The following NXPE2 variants were observed in gnomAD, a reference collection of about 807,000 sequenced individuals.
NXPE2 encodes the protein NXPE family member 2.
Under a neutral mutation model 34.4 loss-of-function variants are expected in NXPE2, and 34 were observed. The observed-to-expected ratio is 0.99, with a 90% CI of 0.75 to 1.31. The LOEUF is 1.31. NXPE2 is among the 40% of genes most tolerant of loss of function. The pLI is 0.00. For missense variants in NXPE2, 649 were observed against 672.5 expected (o/e 0.97, Z 0.39); for synonymous variants, 235 against 231.3 (o/e 1.02, Z -0.15).
chr11:114,615,367 G>A, the NXPE2 span, among the ~76,000 whole-genome samples: 3 of 151,926 alleles, frequency 2.0e-5, no homozygotes, highest in Non-Finnish European at 2.9e-5. Flanking sequence ...GATAACCACT[G>A]TTACCCGGTG....
the NXPE2 span, among the ~76,000 whole-genome samples, chr11:114,775,995 T>G: frequency 3.9e-5 from 6 of 152,096 alleles, no homozygotes; most frequent in Non-Finnish European, 8.8e-5. Flanking sequence ...GATGGCACAG[T>G]GCCACTCACA....
chr11:114,699,993 C>T (rs1951335563), intron 3 of NXPE2, among the ~76,000 whole-genome samples: 1 of 152,064 alleles, frequency 6.6e-6, no homozygotes, highest in Non-Finnish European at 1.5e-5. Context: ...AGGGTTTTAC[C>T]ATGTGGGCCA....
chr11:114,640,063 TA>T, the NXPE2 span, among the ~76,000 whole-genome samples: 1 of 115,894 alleles, frequency 8.6e-6, no homozygotes. Flanking sequence ...ATAATTTATT[TA>T]AAATATAATA....
At chr11:114,536,580 T>TA in the NXPE2 span, among the ~76,000 whole-genome samples, 1 of 151,918 alleles carries the variant, frequency 6.6e-6, no homozygotes, top group Non-Finnish European at 1.5e-5. Context: ...ATAGACGCCA[T>TA]AAAAAATGAC....
the NXPE2 span, among the ~76,000 whole-genome samples, chr11:114,602,125 T>G: frequency 9.8e-6 from 1 of 102,026 alleles, no homozygotes. Context: ...ATTATATATA[T>G]TATACATAAC....
At chr11:114,582,366 CAG>C in the NXPE2 span, 3 of 1,614,078 alleles carry the variant, frequency 1.9e-6, no homozygotes, top group Non-Finnish European at 2.5e-6. Flanking sequence ...GAGTGCAGCA[CAG>C]GGCATGTGTT....
the NXPE2 span, among the ~76,000 whole-genome samples, chr11:114,587,431 A>G: frequency 2.0e-5 from 3 of 152,250 alleles, no homozygotes; most frequent in Non-Finnish European, 4.4e-5. Flanking sequence ...ATTAAAGGGC[A>G]TTACCCAAAT....
At chr11:114,790,040 C>T in the NXPE2 span, among the ~76,000 whole-genome samples, 1 of 152,244 alleles carries the variant, frequency 6.6e-6, no homozygotes, top group Non-Finnish European at 1.5e-5. Flanking sequence ...AGCTCCTCAA[C>T]TTCCCCACCA....
the NXPE2 span, among the ~76,000 whole-genome samples, chr11:114,810,341 G>C: frequency 6.9e-6 from 1 of 145,910 alleles, no homozygotes; most frequent in Non-Finnish European, 1.5e-5. Context: ...ATTGACAAAT[G>C]AGATCTAATT....
the NXPE2 span, among the ~76,000 whole-genome samples, chr11:114,537,238 T>G: frequency 1.3e-5 from 2 of 152,206 alleles, no homozygotes; most frequent in Non-Finnish European, 2.9e-5. Flanking sequence ...CAACCCTTCA[T>G]GCTAAAAACT....
At chr11:114,628,727 C>T in the NXPE2 span, among the ~76,000 whole-genome samples, 1 of 151,192 alleles carries the variant, frequency 6.6e-6, no homozygotes, top group Non-Finnish European at 1.5e-5. Context: ...ATTAACGAAT[C>T]CAGGAGCTGG....
chr11:114,576,301 T>C, the NXPE2 span, among the ~76,000 whole-genome samples: 2 of 152,004 alleles, frequency 1.3e-5, no homozygotes, highest in Non-Finnish European at 2.9e-5. Context: ...GCAAAAACTT[T>C]ATGACCAAGG....
chr11:114,684,863 T>C (rs1231775725), intron 2 of NXPE2, among the ~76,000 whole-genome samples: 1 of 152,206 alleles, frequency 6.6e-6, no homozygotes, highest in Non-Finnish European at 1.5e-5. Flanking sequence ...GTGATTACTC[T>C]TACAGTTCTC....
the NXPE2 span, among the ~76,000 whole-genome samples, chr11:114,781,974 C>T: frequency 8.5e-5 from 13 of 152,156 alleles, no homozygotes; most frequent in Admixed American, 6.5e-4. Context: ...TATGTGCAGT[C>T]GTCCCTCGGT....
At chr11:114,685,222 A>G (rs1348649017) in intron 2 of NXPE2, among the ~76,000 whole-genome samples, 1 of 152,168 alleles carries the variant, frequency 6.6e-6, no homozygotes, top group Non-Finnish European at 1.5e-5. Context: ...AGTCCATTCA[A>G]GCTGTTCTAA....
At chr11:114,722,875 C>T in the NXPE2 span, among the ~76,000 whole-genome samples, 1 of 152,146 alleles carries the variant, frequency 6.6e-6, no homozygotes, top group Non-Finnish European at 1.5e-5. Flanking sequence ...TGAAGTGCCA[C>T]TTCTTATAAA....
chr11:114,543,064 G>A, the NXPE2 span, among the ~76,000 whole-genome samples: 834 of 152,240 alleles, frequency 5.5e-3, 11 homozygotes, highest in African/African-American at 0.018. Context: ...AGACCAGCCT[G>A]GGCAAATATG....
At chr11:114,521,813 A>G in the NXPE2 span, 1 of 590,472 alleles carries the variant, frequency 1.7e-6, no homozygotes, top group Non-Finnish European at 2.9e-6. Context: ...TGCATCCCTT[A>G]TCAGTTGTCA....
the NXPE2 span, among the ~76,000 whole-genome samples, chr11:114,574,330 A>T: frequency 6.6e-6 from 1 of 151,912 alleles, no homozygotes; most frequent in Non-Finnish European, 1.5e-5. Context: ...CCAAACCCAA[A>T]CCTGGCAGAA....
Sources: gnomAD v4.1 joint callset for allele counts (sites outside exome capture counted in the v4.1 genomes callset) on GRCh38, gnomAD v4.1.1 for gene constraint, MANE v1.5 for transcripts, NCBI Gene and HGNC (gene_info 2026-07-23, HGNC 2026-07-21) for gene names.